Variants in KATNIP observed in about 807,000 individuals in gnomAD.
KATNIP encodes the protein katanin-interacting protein.
In KATNIP, 126 loss-of-function variants were observed where a neutral mutation model predicts 174.0. The ratio of observed to expected loss-of-function variants is 0.72; its 90% CI spans 0.63 to 0.84. The LOEUF (loss-of-function observed/expected upper bound fraction) is 0.84, where lower values mean the gene tolerates loss of function less well. Among genes scored for constraint, KATNIP ranks in the 40% least tolerant of loss-of-function variants. KATNIP has a pLI of 0.00. For missense variants in KATNIP, 1,958 were observed against 2,109.7 expected (o/e 0.93, Z 1.41); for synonymous variants, 810 against 835.7 (o/e 0.97, Z 0.53).
Position 27,699,613 on chromosome 16 carries a change from A to G in KATNIP, c.1179+14A>G. On this transcript the variant is annotated intron_variant, in intron 10 of 27. Coordinates refer to ENST00000261588, the MANE Select transcript of KATNIP (RefSeq NM_015202.5). ...GAGACCCTTGAGGTCAGTGCTAGGC[A>G]GAGATGAATGACAAAGCCCCACGCA... 2 of 1,613,752 alleles carry G rather than the reference A, an allele frequency of 1.2e-6. No homozygotes were observed. Among genetic ancestry groups the G allele is most frequent in the Non-Finnish European group, 1.7e-6 (2 of 1,179,800 alleles).
rs2077240353 is a variant in KATNIP at position 27,655,228 on chromosome 16, A to ATT, written c.540+6496_540+6497dup. 2.2e-4 allele frequency among the ~76,000 whole-genome samples: 14 copies of ATT among 63,742 alleles called. No homozygotes were observed. The Admixed American group carries it at 2.4e-3, about 11-fold the overall frequency. 41.8% of individuals were successfully genotyped at this position (63,742 alleles called of 152,430 possible). A position where few individuals can be genotyped will look rare whatever the true frequency, so the allele number is the denominator to read the frequency against. Reference sequence around the variant, plus strand: ...TATATATATATATATATATATATATATTTTGTTTGTTTGTTTGTTTAAAGA... The same window carrying ATT: ...TATATATATATATATATATATATATATTTTTTGTTTGTTTGTTTGTTTAAAGA... On this transcript the variant is annotated intron_variant, in intron 6 of 27. Coordinates refer to ENST00000261588, the MANE Select transcript of KATNIP (RefSeq NM_015202.5).
intron 7 of KATNIP, 33 bp from the exon 8 acceptor site, chr16:27,681,366 A>C: frequency 1.2e-6 from 2 of 1,613,106 alleles, no homozygotes; most frequent in Non-Finnish European, 1.7e-6. Context: ...GCTTGCGCTC[A>C]GCGTCTTACA....
rs185968091 is a variant in KATNIP, at chr16:27,708,809, C to T, written c.1494C>T (p.Val498=). ...CGTGGTGGGTGGGTCTCACAGAAGT[C>T]GAGTTCTTTGACTTGAATGACACAA... The part of the protein sequence containing the change: ...GNSWWVGLTE[V]EFFDLNDTKL... The change falls in exon 13 of 28, where the codon GTC becomes GTT. Residue 498 remains valine, a synonymous_variant. Coordinates refer to ENST00000261588, the MANE Select transcript of KATNIP (RefSeq NM_015202.5). 7.4e-6 allele frequency: 12 copies of T among 1,613,930 alleles called. No individual in the cohort carries two copies. The East Asian group carries it at 1.1e-4, about 15-fold the overall frequency.
At position 27,777,143 on chromosome 16, in the gene KATNIP, A is replaced by T; in HGVS notation, c.4551+114A>T. 10 of 722,872 alleles carry T rather than the reference A, an allele frequency of 1.4e-5. No homozygotes were observed. In the South Asian group the frequency reaches 1.7e-4, roughly 12 times the overall value. 44.8% of individuals were successfully genotyped at this position (722,872 alleles called of 1,614,324 possible). On this transcript the variant is annotated intron_variant, in intron 25 of 27. Transcript: ENST00000261588. This position sits in a 1 kb window ranked among gnomAD's most constrained non-coding sequence, Gnocchi z 4.4. The stretch of plus-strand genomic sequence containing the variant: ...ACTTCTCTCTGTTGCAACCCTCAAC[A>T]CAAATGCCTGGTCGTCAGATGCAGG...
intron 5 of KATNIP, among the ~76,000 whole-genome samples, chr16:27,635,382 G>A (rs1269066714): frequency 6.6e-6 from 1 of 152,172 alleles, no homozygotes; most frequent in African/African-American, 2.4e-5. Context: ...CCCAGGAGGA[G>A]TGTGGGATGG....
chr16:27,743,565 T>C (rs970050010), intron 15 of KATNIP, among the ~76,000 whole-genome samples: 2 of 152,188 alleles, frequency 1.3e-5, no homozygotes, highest in Non-Finnish European at 2.9e-5. Flanking sequence ...GCCTGGCTCA[T>C]GGCAGGTCCT....
At chr16:27,763,570 G>C (rs1484923851) in intron 19 of KATNIP, among the ~76,000 whole-genome samples, 1 of 142,952 alleles carries the variant, frequency 7.0e-6, no homozygotes, top group Non-Finnish European at 1.5e-5. Context: ...AGCCGTGATT[G>C]TGCCACTACA....
intron 1 of KATNIP, 65 bp downstream of exon 1, chr16:27,550,242 T>A (rs1364010930): frequency 1.3e-6 from 2 of 1,566,820 alleles, no homozygotes; most frequent in East Asian, 4.5e-5. Context: ...CGACCGCGCT[T>A]TGGGCAGAAT....
chr16:27,715,940 G>A (rs547053211), intron 13 of KATNIP, among the ~76,000 whole-genome samples: 1 of 151,268 alleles, frequency 6.6e-6, no homozygotes, highest in East Asian at 1.9e-4. Context: ...CCATTCCTAG[G>A]TGCATACCCA....
At chr16:27,590,128 C>T (rs1449722771) in intron 2 of KATNIP, among the ~76,000 whole-genome samples, 1 of 151,834 alleles carries the variant, frequency 6.6e-6, no homozygotes, top group Non-Finnish European at 1.5e-5. Context: ...GATGCAATGT[C>T]CTTCCTCTCT....
rs752689307 is a variant in KATNIP at position 27,749,793 on chromosome 16, G to A, written c.2833G>A (p.Glu945Lys). 9.4e-5 allele frequency: 151 copies of A among 1,610,478 alleles called. No individual in the cohort carries two copies. Among genetic ancestry groups the A allele is most frequent in the Non-Finnish European group, 1.2e-4 (140 of 1,177,884 alleles). Residue 945 changes from glutamate (E) to lysine (K), a missense_variant, in exon 16 of 28, where the codon GAG (glutamate) becomes AAG (lysine). By Grantham distance (56) the Glu-to-Lys change is moderately conservative. Around this residue, in one of 3 missense-constraint regions of KATNIP, gnomAD observed 1,557 missense variants for 1,617.8 expected, o/e 0.96. Transcript: ENST00000261588. ...HSDLPPSKKG[E>K]QPGLSRGQDG... ...CGACTTGCCCCCCTCCAAGAAGGGG[G>A]AGCAGCCAGGGCTGTCGAGAGGGCA...
intron 1 of KATNIP, among the ~76,000 whole-genome samples, chr16:27,563,267 A>T (rs78370425): frequency 0.014 from 2,123 of 152,276 alleles, 60 homozygotes; most frequent in African/African-American, 0.048. Context: ...GCTAAGAAGG[A>T]TCCCTCATAA....
chr16:27,691,237 A>G (rs1029206270), intron 8 of KATNIP, among the ~76,000 whole-genome samples: 7 of 152,170 alleles, frequency 4.6e-5, no homozygotes, highest in African/African-American at 1.7e-4. Context: ...CTTCTGTGTG[A>G]CATGTGTTGC....
At chr16:27,756,751 C>CA (rs376560028) in intron 18 of KATNIP, among the ~76,000 whole-genome samples, 276 of 151,856 alleles carry the variant, frequency 1.8e-3, no homozygotes, top group African/African-American at 5.8e-3. Context: ...CTGAGTTCAG[C>CA]AAAAAAGGGA....
intron 6 of KATNIP, among the ~76,000 whole-genome samples, chr16:27,661,009 T>C (rs2142474645): frequency 6.6e-6 from 1 of 152,298 alleles, no homozygotes; most frequent in East Asian, 1.9e-4. Context: ...GTGAGTGGTA[T>C]AGCTGTTGAT....
intron 8 of KATNIP, chr16:27,687,244 A>G (rs888371388): frequency 3.3e-5 from 5 of 152,000 alleles, no homozygotes; most frequent in Non-Finnish European, 7.4e-5. Context: ...CCAGTCTACT[A>G]TATCCCTGTA....
intron 14 of KATNIP, among the ~76,000 whole-genome samples, chr16:27,734,504 G>A (rs889412036): frequency 1.3e-5 from 2 of 151,330 alleles, no homozygotes; most frequent in African/African-American, 4.9e-5. Context: ...TTTGAGACCA[G>A]TCTGGCCAAC....
At chr16:27,774,238 A>G (rs1296236549) in intron 23 of KATNIP, among the ~76,000 whole-genome samples, 3 of 152,060 alleles carry the variant, frequency 2.0e-5, no homozygotes, top group Non-Finnish European at 4.4e-5. Flanking sequence ...CACCCTCCTC[A>G]GCTGGGATGA....
intron 6 of KATNIP, among the ~76,000 whole-genome samples, chr16:27,659,299 G>T (rs1348208419): frequency 6.6e-6 from 1 of 151,978 alleles, no homozygotes; most frequent in Admixed American, 6.6e-5. Context: ...ATCACTTGAG[G>T]CCAGAAGTTG....
Sources: allele counts gnomAD v4.1 joint callset (sites outside exome capture counted in the v4.1 genomes callset), GRCh38; gene constraint gnomAD v4.1.1; regional missense constraint gnomAD v4.1.1; non-coding constraint Gnocchi (gnomAD v3.1); transcripts MANE v1.5; gene names NCBI Gene and HGNC (gene_info 2026-07-23, HGNC 2026-07-21).